The following FGF23 variants were observed in gnomAD, a reference collection of about 807,000 sequenced individuals.
FGF23 encodes fibroblast growth factor 23.
In FGF23, 8 loss-of-function variants were observed where a neutral mutation model predicts 9.0. The ratio of observed to expected loss-of-function variants is 0.89; its 90% CI spans 0.52 to 1.60. The LOEUF is 1.60. Among genes scored for constraint, FGF23 ranks in the 40% most tolerant of loss-of-function variants. FGF23 has a pLI of 0.00. For missense variants in FGF23, 311 were observed against 344.3 expected, an observed-to-expected ratio of 0.90 and a Z score of 0.77; for synonymous variants, 118 against 146.2, an observed-to-expected ratio of 0.81 and a Z score of 1.39.
rs1006366888 is a variant in FGF23, at chr12:4,369,042, C to T, written c.*1301G>A. On this transcript the variant is annotated 3_prime_UTR_variant, in exon 3 of 3. Transcript: ENST00000237837. ...TAAAGAGAGGGAGGAAAATGGAGCC[C>T]CCTTACAGGAAGAACCGCAGTAATG... 1 of 227,868 alleles carries T rather than the reference C, an allele frequency of 4.4e-6. No individual in the cohort carries two copies. The highest frequency in any genetic ancestry group is 8.7e-6 in the Non-Finnish European group (1 of 114,784). The allele number at this position is 227,868 out of a possible 1,614,324, so 14.1% of individuals were successfully genotyped here.
chr12:4,370,019 A>AAGAGGAG lies in FGF23; in HGVS notation c.*317_*323dup, dbSNP rs1865043564. The AAGAGGAG allele has an allele frequency of 2.6e-5, 5 of 188,968 alleles. No homozygotes were observed. Among genetic ancestry groups the AAGAGGAG allele is most frequent in the Middle Eastern group, 1.9e-3 (1 of 532 alleles). 11.7% of individuals were successfully genotyped at this position (188,968 alleles called of 1,614,324 possible). On this transcript the variant is annotated 3_prime_UTR_variant, in exon 3 of 3. Coordinates refer to ENST00000237837, the MANE Select transcript of FGF23 (RefSeq NM_020638.3). The stretch of plus-strand genomic sequence containing the variant: ...TTTTTTTTTATGCTTAAAAGTGATA[A>AAGAGGAG]AGAGGAGAGGCACAAGGAAGAGAAA...
chr12:4,379,323 A>G, intron 1 of FGF23, 49 bp downstream of exon 1: 4 of 1,547,522 alleles, frequency 2.6e-6, no homozygotes, highest in Non-Finnish European at 3.5e-6. Context: ...CCTCCTGTAG[A>G]TGGACAACAA....
intron 2 of FGF23, among the ~76,000 whole-genome samples, chr12:4,372,111 G>A (rs543201517): frequency 2.7e-5 from 4 of 146,528 alleles, no homozygotes; most frequent in Non-Finnish European, 3.0e-5. Context: ...TCACTCGTAG[G>A]TGGGAATTGA....
intron 1 of FGF23, among the ~76,000 whole-genome samples, chr12:4,378,058 C>T (rs914774789): frequency 9.2e-5 from 14 of 152,142 alleles, no homozygotes; most frequent in Non-Finnish European, 1.8e-4. Flanking sequence ...GTTCTGGAAC[C>T]TGTTTGGTAT....
chr12:4,376,222 TC>T (rs1361078881), intron 1 of FGF23, among the ~76,000 whole-genome samples: 1 of 152,060 alleles, frequency 6.6e-6, no homozygotes, highest in Non-Finnish European at 1.5e-5. Context: ...CGCTTGTGAG[TC>T]CTAAGGGAGC....
intron 2 of FGF23, among the ~76,000 whole-genome samples, chr12:4,372,206 T>G: frequency 6.9e-6 from 1 of 145,160 alleles, no homozygotes; most frequent in Middle Eastern, 3.4e-3. Flanking sequence ...GGGATAGCAT[T>G]GGGAGATATA....
chr12:4,370,914 C>G, intron 2 of FGF23, 131 bp from the exon 3 acceptor site: 1 of 776,442 alleles, frequency 1.3e-6, no homozygotes, highest in South Asian at 1.4e-5. Flanking sequence ...TGAGCCTTCA[C>G]CCCTTTGTTC....
chr12:4,378,151 G>A (rs368139491), intron 1 of FGF23, among the ~76,000 whole-genome samples: 48 of 152,296 alleles, frequency 3.2e-4, no homozygotes, highest in East Asian at 2.1e-3. Context: ...AATTTCGCAT[G>A]TTATATATCT....
rs749504028 is a variant in FGF23 at position 4,379,619 on chromosome 12, A to C, written c.-37T>G. The C allele has an allele frequency of 3.3e-6, 5 of 1,527,482 alleles. No individual in the cohort carries two copies. The allele number at this position is 1,527,482 out of a possible 1,614,324, so 94.6% of individuals were successfully genotyped here. On this transcript the variant is annotated 5_prime_UTR_variant, in exon 1 of 3. Transcript: ENST00000237837. ...CTGAGTGGCTGGTGCTGAGATTGAA[A>C]CCTGACACTCCTGTCGGGACTCTCC...
chr12:4,370,577 T>A lies in FGF23; in HGVS notation c.522A>T (p.Pro174=), dbSNP rs1008848282. The change falls in exon 3 of 3, where the codon CCA becomes CCT. Residue 174 remains proline, a synonymous_variant. Transcript: ENST00000237837. ...CCTCGGCGCTCCGGGTGTGCCGCCG[T>A]GGTATGGGGGTGTTGAAGTGAATTA... ...IPLIHFNTPI[P]RRHTRSAEDD... 4.3e-6 allele frequency: 7 copies of A among 1,612,694 alleles called. No individual in the cohort carries two copies. The highest frequency in any genetic ancestry group is 1.7e-5 in the Admixed American group (1 of 59,956).
In FGF23 at chr12:4,368,434, A is replaced by G. The variant is rs1158707452; in HGVS notation, c.*1909T>C. On this transcript the variant is annotated 3_prime_UTR_variant, in exon 3 of 3. Coordinates refer to ENST00000237837, the MANE Select transcript of FGF23 (RefSeq NM_020638.3). The stretch of plus-strand genomic sequence containing the variant: ...CGACATGCTTTTAAGTAGTACTACA[A>G]AGAGGATAAGCTAACAGAAGCTGAG... 1.1e-5 allele frequency: 2 copies of G among 182,718 alleles called. No individual in the cohort carries two copies. The highest frequency in any genetic ancestry group is 2.3e-5 in the Non-Finnish European group (2 of 85,994). 11.3% of individuals were successfully genotyped at this position (182,718 alleles called of 1,614,324 possible). A position where few individuals can be genotyped will look rare whatever the true frequency, so the allele number is the denominator to read the frequency against.
intron 1 of FGF23, among the ~76,000 whole-genome samples, chr12:4,373,562 C>T (rs1343670459): frequency 4.6e-5 from 7 of 152,162 alleles, no homozygotes; most frequent in Admixed American, 1.3e-4. Flanking sequence ...TCTCCAGGTG[C>T]AGCCCCTCAT....
In FGF23 at chr12:4,370,109, G is replaced by T. The variant is rs1865044558; in HGVS notation, c.*234C>A. On this transcript the variant is annotated 3_prime_UTR_variant, in exon 3 of 3. Coordinates refer to ENST00000237837, the MANE Select transcript of FGF23 (RefSeq NM_020638.3). ...GGAAATTTCTAGTTTACCTGTTGGG[G>T]TTTCCTATTGGGAAAGGTGTTCTAT... 1 of 530,554 alleles carries T rather than the reference G, an allele frequency of 1.9e-6. No individual in the cohort carries two copies. The highest frequency in any genetic ancestry group is 2.6e-5 in the South Asian group (1 of 38,112). 32.9% of individuals were successfully genotyped at this position (530,554 alleles called of 1,614,324 possible).
intron 1 of FGF23, among the ~76,000 whole-genome samples, chr12:4,375,569 C>A (rs1176939999): frequency 1.3e-5 from 2 of 152,216 alleles, no homozygotes; most frequent in Non-Finnish European, 2.9e-5. Context: ...CCGGAGCAAC[C>A]AGCCCCGCCT....
At chr12:4,378,725 GA>G (rs1217836453) in intron 1 of FGF23, among the ~76,000 whole-genome samples, 1 of 2,534 alleles carries the variant, frequency 3.9e-4, no homozygotes, top group Non-Finnish European at 1.4e-3. Context: ...AAACCTGTTG[GA>G]TGGATGGATG....
Position 4,374,823 on chromosome 12 carries a change from T to C in FGF23, c.212-2126A>G, listed in dbSNP as rs571760160. ...TGATTATTATTATTATTAGTAGTAG[T>C]AGTAGCAGCAATATCCTAATTTAAG... On this transcript the variant is annotated intron_variant, in intron 1 of 2. Coordinates refer to ENST00000237837, the MANE Select transcript of FGF23 (RefSeq NM_020638.3). Among the ~76,000 whole-genome samples, 9 of 152,286 alleles carry C rather than the reference T, an allele frequency of 5.9e-5. No individual in the cohort carries two copies. In the South Asian group the frequency reaches 1.9e-3, roughly 32 times the overall value.
In FGF23 at chr12:4,370,590, T is replaced by C; in HGVS notation, c.509A>G (p.Asn170Ser). The change falls in exon 3 of 3, where the codon AAC becomes AGC. Residue 170 changes from asparagine to serine, a missense_variant. Around this residue, in one of 3 missense-constraint regions of FGF23, gnomAD observed 206 missense variants for 219.2 expected, o/e 0.94. Transcript: ENST00000237837. ...GGTGTGCCGCCGTGGTATGGGGGTG[T>C]TGAAGTGAATTAGGGGGATCTCGTT... ...RRNEIPLIHF[N>S]TPIPRRHTRS... 1 of 1,613,560 alleles carries C rather than the reference T, an allele frequency of 6.2e-7. No individual in the cohort carries two copies.
rs1429413031 is a variant in FGF23, at chr12:4,370,490, C to T, written c.609G>A (p.Pro203=). 3 of 1,610,972 alleles carry T rather than the reference C, an allele frequency of 1.9e-6. No homozygotes were observed. The highest frequency in any genetic ancestry group is 2.7e-5 in the African/African-American group (2 of 74,652). The change falls in exon 3 of 3, where the codon CCG becomes CCA. Residue 203 remains proline (P), a synonymous_variant. Coordinates refer to ENST00000237837, the MANE Select transcript of FGF23 (RefSeq NM_020638.3). ...LKPRARMTPA[P]ASCSQELPSA... is the part of the protein sequence containing the mutation. The stretch of plus-strand genomic sequence containing the variant: ...TCGGGAGCTCCTGTGAACAGGAGGC[C>T]GGGGCCGGGGTCATCCGGGCCCGGG...
At chr12:4,375,384 A>G (rs1339988532) in intron 1 of FGF23, among the ~76,000 whole-genome samples, 1 of 152,184 alleles carries the variant, frequency 6.6e-6, no homozygotes, top group Non-Finnish European at 1.5e-5. Flanking sequence ...AACTGTGAGA[A>G]GCTGCTACGG....
Sources: allele counts gnomAD v4.1 joint callset (sites outside exome capture counted in the v4.1 genomes callset), GRCh38; gene constraint gnomAD v4.1.1; regional missense constraint gnomAD v4.1.1; transcripts MANE v1.5; gene names NCBI Gene and HGNC (gene_info 2026-07-23, HGNC 2026-07-21).